The following TDRP variants were observed in gnomAD, a reference collection of about 807,000 sequenced individuals.
TDRP encodes the protein testis development related protein.
Under a neutral mutation model 10.5 loss-of-function variants are expected in TDRP, and 12 were observed. The ratio of observed to expected loss-of-function variants is 1.15; its 90% CI spans 0.73 to 1.86. The LOEUF is 1.86. Ranked by LOEUF, TDRP falls within the 40% of genes most tolerant of loss-of-function variation. The pLI, the probability that TDRP is intolerant of heterozygous loss-of-function variation, is 0.00. For missense variants in TDRP, 353 were observed against 229.2 expected, an observed-to-expected ratio of 1.54 and a Z score of -3.49; for synonymous variants, 139 against 95.4, an observed-to-expected ratio of 1.46 and a Z score of -2.67.
intron 1 of TDRP, among the ~76,000 whole-genome samples, chr8:534,015 CTGAT>C (rs1216422684): frequency 2.0e-5 from 3 of 152,118 alleles, no homozygotes; most frequent in African/African-American, 7.2e-5. Context: ...TCAAAAGGCA[CTGAT>C]TGTTGAAGCC....
intron 1 of TDRP, among the ~76,000 whole-genome samples, chr8:504,989 T>G (rs1801416636): frequency 1.3e-5 from 2 of 152,224 alleles, no homozygotes; most frequent in African/African-American, 4.8e-5. Flanking sequence ...ACACCGTTTT[T>G]AACAAAGTAT....
chr8:509,672 G>C (rs1324754863), intron 1 of TDRP, among the ~76,000 whole-genome samples: 1 of 152,116 alleles, frequency 6.6e-6, no homozygotes, highest in Non-Finnish European at 1.5e-5. Context: ...CTGCCCCAAA[G>C]GTCTCTGACA....
chr8:507,536 G>A (rs1057437880), intron 1 of TDRP, among the ~76,000 whole-genome samples: 7 of 152,130 alleles, frequency 4.6e-5, no homozygotes, highest in African/African-American at 1.7e-4. Flanking sequence ...GCAGCTGCAT[G>A]CGGTCACGGA....
intron 1 of TDRP, among the ~76,000 whole-genome samples, chr8:520,469 G>C (rs1443664773): frequency 6.6e-6 from 1 of 152,164 alleles, no homozygotes; most frequent in Non-Finnish European, 1.5e-5. Flanking sequence ...ACACAGAAGT[G>C]GGATGGCTGA....
chr8:490,706 T>C lies in TDRP; in HGVS notation c.*1693A>G, dbSNP rs149703543. On this transcript the variant is annotated 3_prime_UTR_variant, in exon 3 of 3. Coordinates refer to ENST00000324079, the MANE Select transcript of TDRP (RefSeq NM_001384899.1). ...CTATTTACCTGAGGAAACTTAGAAT[T>C]TGTCAACTTAGCTGTTATACTAAAA... 1.3e-5 allele frequency: 2 copies of C among 152,242 alleles called. No homozygotes were observed. Among genetic ancestry groups the C allele is most frequent in the Non-Finnish European group, 2.9e-5 (2 of 68,048 alleles). The allele number at this position is 152,242 out of a possible 1,614,324, so 9.4% of individuals were successfully genotyped here.
chr8:499,826 G>C (rs887764437), intron 1 of TDRP, among the ~76,000 whole-genome samples: 4 of 152,264 alleles, frequency 2.6e-5, no homozygotes, highest in Non-Finnish European at 5.9e-5. Context: ...CCTTGAGGTG[G>C]AGTTCCTGAA....
chr8:536,363 T>A (rs1464424256), intron 1 of TDRP, among the ~76,000 whole-genome samples: 2 of 152,234 alleles, frequency 1.3e-5, no homozygotes, highest in Non-Finnish European at 2.9e-5. Flanking sequence ...CTAAAAACAC[T>A]ACTGAGGACC....
intron 1 of TDRP, among the ~76,000 whole-genome samples, chr8:509,346 C>T (rs1200011745): frequency 6.6e-6 from 1 of 152,226 alleles, no homozygotes; most frequent in Non-Finnish European, 1.5e-5. Flanking sequence ...TCCATGAGTG[C>T]TCTGCCCCTG....
chr8:534,288 A>G (rs1464893312), intron 1 of TDRP, among the ~76,000 whole-genome samples: 1 of 152,252 alleles, frequency 6.6e-6, no homozygotes, highest in Admixed American at 6.5e-5. Flanking sequence ...CAAAGTTGCC[A>G]CAGTCAATTA....
chr8:504,379 G>T (rs1004736780), intron 1 of TDRP, among the ~76,000 whole-genome samples: 1 of 152,164 alleles, frequency 6.6e-6, no homozygotes, highest in African/African-American at 2.4e-5. Context: ...TGGGGGTGCA[G>T]CAATAAAGCA....
At chr8:540,548 T>C (rs1182771540) in intron 1 of TDRP, among the ~76,000 whole-genome samples, 1 of 152,216 alleles carries the variant, frequency 6.6e-6, no homozygotes, top group African/African-American at 2.4e-5. Flanking sequence ...ATTAGATTCA[T>C]GAAAACTTGC....
At chr8:533,044 A>T (rs1199861300) in intron 1 of TDRP, among the ~76,000 whole-genome samples, 1 of 152,216 alleles carries the variant, frequency 6.6e-6, no homozygotes, top group Non-Finnish European at 1.5e-5. Context: ...TCCCAAAATG[A>T]GTACCAGCGC....
At chr8:539,496 A>G (rs1802435028) in intron 1 of TDRP, among the ~76,000 whole-genome samples, 1 of 152,244 alleles carries the variant, frequency 6.6e-6, no homozygotes, top group Admixed American at 6.5e-5. Flanking sequence ...ACACACAAAC[A>G]CAGACGAAAG....
intron 1 of TDRP, among the ~76,000 whole-genome samples, chr8:502,243 C>T (rs1223195259): frequency 6.6e-6 from 1 of 152,248 alleles, no homozygotes; most frequent in East Asian, 1.9e-4. Flanking sequence ...TCTTTAAACA[C>T]ACTGAAGCTA....
chr8:526,228 C>T (rs1802031225), intron 1 of TDRP, among the ~76,000 whole-genome samples: 1 of 152,096 alleles, frequency 6.6e-6, no homozygotes, highest in Non-Finnish European at 1.5e-5. Flanking sequence ...GAACTACTGG[C>T]CTCCAGTGAT....
chr8:502,665 A>C lies in TDRP; in HGVS notation c.109-8068T>G, dbSNP rs192683306. On this transcript the variant is annotated intron_variant, in intron 1 of 2. Transcript: ENST00000324079. ...CCAATGCCCACCTCAGCACACATCA[A>C]CACGGAATCCAGAGCCACACACCGG... is the stretch of plus-strand genomic sequence containing the variant. 3.2e-3 allele frequency among the ~76,000 whole-genome samples: 493 copies of C among 152,248 alleles called. 1 individual carries two copies. Among genetic ancestry groups the C allele is most frequent in the Admixed American group, 5.1e-3 (78 of 15,298 alleles).
At chr8:493,286 TG>T (rs1287996887) in intron 2 of TDRP, among the ~76,000 whole-genome samples, 3 of 152,246 alleles carry the variant, frequency 2.0e-5, no homozygotes, top group African/African-American at 7.2e-5. Flanking sequence ...TCACCCTGAC[TG>T]TCCGCGAGCA....
At chr8:499,715 T>G (rs1476687365) in intron 1 of TDRP, among the ~76,000 whole-genome samples, 1 of 152,200 alleles carries the variant, frequency 6.6e-6, no homozygotes, top group Non-Finnish European at 1.5e-5. Context: ...ATCTCGGTCT[T>G]CACCTGAAGT....
In TDRP at chr8:494,608, GT is replaced by G. The variant is rs1337499701; in HGVS notation, c.109-12del. 2 of 1,611,218 alleles carry G rather than the reference GT, an allele frequency of 1.2e-6. No homozygotes were observed. The highest frequency in any genetic ancestry group is 1.7e-6 in the Non-Finnish European group (2 of 1,178,054). ...ACTTGCTCCCTGAACCTAATAAAAG[GT>G]TAAGAAAAATGTCAAATCTGATGTC... is the stretch of plus-strand genomic sequence containing the variant. On this transcript the variant is annotated splice_polypyrimidine_tract_variant and intron_variant, in intron 1 of 2. Coordinates refer to ENST00000324079, the MANE Select transcript of TDRP (RefSeq NM_001384899.1).
Sources: allele counts gnomAD v4.1 joint callset (sites outside exome capture counted in the v4.1 genomes callset), GRCh38; gene constraint gnomAD v4.1.1; transcripts MANE v1.5; gene names NCBI Gene and HGNC (gene_info 2026-07-23, HGNC 2026-07-21).